Variants in KIAA0825 observed in about 807,000 individuals in gnomAD.
KIAA0825 encodes KIAA0825, also known as uncharacterized protein KIAA0825.
KIAA0825 carries 119 observed loss-of-function variants against 147.6 expected under a neutral mutation model. The observed-to-expected ratio is 0.81, with a 90% CI of 0.69 to 0.94. KIAA0825 has a LOEUF of 0.94. KIAA0825 is among the 40% of genes least tolerant of loss of function. The probability of loss-of-function intolerance (pLI) is 0.00; values close to 1 mark genes in which losing one functional copy is unlikely to be tolerated. For synonymous variants in KIAA0825, 470 were observed against 518.1 expected (o/e 0.91, Z 1.26); for missense variants, 1,381 against 1,472.7 (o/e 0.94, Z 1.02).
Position 94,603,398 on chromosome 5 carries a change from C to A in KIAA0825, c.-153+15102G>T, listed in dbSNP as rs1051749949. 2.0e-5 allele frequency among the ~76,000 whole-genome samples: 3 copies of A among 152,094 alleles called. No individual in the cohort carries two copies. In the East Asian group the frequency reaches 5.8e-4, roughly 29 times the overall value. ...GCTGAGGAAATTTGTTACCACCATACCTGCCTTACAAGAGCTACTGAAAGA... is the reference window on the plus strand; with the variant it reads ...GCTGAGGAAATTTGTTACCACCATAACTGCCTTACAAGAGCTACTGAAAGA... On this transcript the variant is annotated intron_variant, in intron 1 of 20. Transcript: ENST00000682413.
At chr5:94,264,786 CT>C (rs1195057688) in intron 20 of KIAA0825, among the ~76,000 whole-genome samples, 2,047 of 140,490 alleles carry the variant, frequency 0.015, 30 homozygotes, top group African/African-American at 0.042. Context: ...CATACACATA[CT>C]TTTTTTTTTT....
chr5:94,193,443 A>G (rs1467387571), intron 20 of KIAA0825, among the ~76,000 whole-genome samples: 1 of 152,214 alleles, frequency 6.6e-6, no homozygotes, highest in Non-Finnish European at 1.5e-5. Flanking sequence ...CTGAGGCCAG[A>G]GGGGTGAAGT....
In KIAA0825 at chr5:94,181,998, G is replaced by C. The variant is rs554568411; in HGVS notation, c.3711-27874C>G. Among the ~76,000 whole-genome samples, 69 of 152,174 alleles carry C rather than the reference G, an allele frequency of 4.5e-4. No homozygotes were observed. The Middle Eastern group carries it at 0.01, about 23-fold the overall frequency. On this transcript the variant is annotated intron_variant, in intron 20 of 20. Transcript: ENST00000682413. ...GGATCTCTTTAATGACTCTTCATTA[G>C]TGACTTACTACTGCTGACAAGATGT...
intron 20 of KIAA0825, among the ~76,000 whole-genome samples, chr5:94,258,346 C>A (rs941937759): frequency 5.9e-5 from 9 of 151,992 alleles, no homozygotes; most frequent in African/African-American, 1.9e-4. Context: ...ACTTGGACTT[C>A]TTTTCCCCTA....
intron 20 of KIAA0825, among the ~76,000 whole-genome samples, chr5:94,167,923 C>T (rs1218818756): frequency 6.6e-6 from 1 of 151,520 alleles, no homozygotes; most frequent in Non-Finnish European, 1.5e-5. Context: ...TAATTGAATG[C>T]TTTAATATCC....
intron 16 of KIAA0825, 92 bp from the exon 17 acceptor site, chr5:94,396,601 G>A: frequency 9.6e-7 from 1 of 1,038,068 alleles, no homozygotes; most frequent in Non-Finnish European, 1.3e-6. Flanking sequence ...TAATTTTTGT[G>A]GAGAAAATTG....
At chr5:94,498,958 T>C (rs1764703423) in intron 5 of KIAA0825, among the ~76,000 whole-genome samples, 1 of 152,238 alleles carries the variant, frequency 6.6e-6, no homozygotes, top group African/African-American at 2.4e-5. Context: ...TGGTAATTAA[T>C]TTAAAACGGT....
At chr5:94,226,998 A>G (rs1774232111) in intron 20 of KIAA0825, among the ~76,000 whole-genome samples, 1 of 152,206 alleles carries the variant, frequency 6.6e-6, no homozygotes, top group African/African-American at 2.4e-5. Flanking sequence ...GCGATTCCTC[A>G]GGGATCCAGA....
Position 94,164,427 on chromosome 5 carries a change from T to G in KIAA0825, c.3711-10303A>C, listed in dbSNP as rs556641607. Among the ~76,000 whole-genome samples, 167 of 152,122 alleles carry G rather than the reference T, an allele frequency of 1.1e-3. 1 individual carries two copies. The highest frequency in any genetic ancestry group is 3.6e-3 in the African/African-American group (150 of 41,508). ...CTACAGTGAACTTATTTTTTTTTTTTTTTAGACAGAGTCTCACTCTGTTGC... is the reference window on the plus strand; with the variant it reads ...CTACAGTGAACTTATTTTTTTTTTTGTTTAGACAGAGTCTCACTCTGTTGC... On this transcript the variant is annotated intron_variant, in intron 20 of 20. Transcript: ENST00000682413.
chr5:94,196,657 C>G (rs745878923), intron 20 of KIAA0825, among the ~76,000 whole-genome samples: 1 of 152,078 alleles, frequency 6.6e-6, no homozygotes. Flanking sequence ...GTCTATTGTT[C>G]CCATCTTTGT....
intron 20 of KIAA0825, among the ~76,000 whole-genome samples, chr5:94,177,399 TA>T (rs1043102614): frequency 5.9e-5 from 9 of 152,236 alleles, no homozygotes; most frequent in Non-Finnish European, 1.0e-4. Context: ...CTTCTTTTTT[TA>T]ATAACTATAA....
At chr5:94,174,958 A>G (rs1342808858) in intron 20 of KIAA0825, among the ~76,000 whole-genome samples, 6 of 152,160 alleles carry the variant, frequency 3.9e-5, no homozygotes, top group Non-Finnish European at 5.9e-5. Flanking sequence ...ATTGTGGATG[A>G]ACACATCATT....
Position 94,462,475 on chromosome 5 carries a change from C to A in KIAA0825, c.2158G>T (p.Asp720Tyr), listed in dbSNP as rs1180782708. 5.8e-6 allele frequency: 9 copies of A among 1,539,986 alleles called. No homozygotes were observed. The South Asian group carries it at 9.6e-5, about 16-fold the overall frequency. Residue 720 changes from aspartate to tyrosine, a missense_variant, in exon 12 of 21, where the codon GAT becomes TAT. Coordinates refer to ENST00000682413, the MANE Select transcript of KIAA0825 (RefSeq NM_001145678.3). Reference protein sequence around the residue: ...QKLLNPHQHTDDKIFKIHTHC... With the variant: ...QKLLNPHQHTYDKIFKIHTHC... ...GTGTGAATTTTAAAAATTTTATCAT[C>A]TGTATGCTGATGAGGATTCAAAAGT... is the stretch of plus-strand genomic sequence containing the variant.
chr5:94,270,993 T>C (rs959408516), intron 20 of KIAA0825, among the ~76,000 whole-genome samples: 7 of 152,144 alleles, frequency 4.6e-5, no homozygotes, highest in Non-Finnish European at 1.0e-4. Context: ...ATCTATTGCA[T>C]TGGAGAAGAA....
intron 12 of KIAA0825, among the ~76,000 whole-genome samples, chr5:94,457,346 C>T (rs1187649650): frequency 6.6e-6 from 1 of 152,150 alleles, no homozygotes; most frequent in Non-Finnish European, 1.5e-5. Context: ...TTCCACAAGA[C>T]ATAAAAGAAT....
intron 20 of KIAA0825, among the ~76,000 whole-genome samples, chr5:94,205,402 T>C (rs1260921713): frequency 6.6e-5 from 10 of 150,548 alleles, no homozygotes; most frequent in South Asian, 2.1e-4. Flanking sequence ...CCTGGGTTCA[T>C]GCCATTCTCC....
In KIAA0825 at chr5:94,349,138, G is replaced by T. The variant is rs184928846; in HGVS notation, c.3710+35230C>A. Among the ~76,000 whole-genome samples, 3 of 152,236 alleles carry T rather than the reference G, an allele frequency of 2.0e-5. No individual in the cohort carries two copies. The East Asian group carries it at 5.8e-4, about 29-fold the overall frequency. On this transcript the variant is annotated intron_variant, in intron 20 of 20. Transcript: ENST00000682413. ...AAATGGACACCAAAAGCAAGCAGGG[G>T]TGGCTATTCTTATATCAAACAAAAC... is the stretch of plus-strand genomic sequence containing the variant.
At chr5:94,519,573 G>T in intron 5 of KIAA0825, 1 of 592,806 alleles carries the variant, frequency 1.7e-6, no homozygotes, top group Non-Finnish European at 2.1e-6. Flanking sequence ...CATCCTTATA[G>T]AAAAAATAGT....
At chr5:94,263,022 G>GGA (rs1776574245) in intron 20 of KIAA0825, among the ~76,000 whole-genome samples, 2 of 152,082 alleles carry the variant, frequency 1.3e-5, no homozygotes, top group African/African-American at 4.8e-5. Flanking sequence ...GGTTCCCATT[G>GGA]TCCTCTATGA....
Sources: allele counts gnomAD v4.1 joint callset (sites outside exome capture counted in the v4.1 genomes callset), GRCh38; gene constraint gnomAD v4.1.1; transcripts MANE v1.5; gene names NCBI Gene and HGNC (gene_info 2026-07-23, HGNC 2026-07-21).